Variants in PBLD observed in about 807,000 individuals in gnomAD.
PBLD encodes phenazine biosynthesis like protein domain containing.
PBLD carries 26 observed loss-of-function variants against 31.3 expected under a neutral mutation model. The observed-to-expected ratio is 0.83, with a 90% CI of 0.61 to 1.15. The LOEUF is 1.15. Ranked by LOEUF, PBLD falls within the 50% of genes most tolerant of loss-of-function variation. PBLD has a pLI of 0.00. For missense variants in PBLD, 307 were observed against 351.7 expected (o/e 0.87, Z 1.02); for synonymous variants, 114 against 129.0 (o/e 0.88, Z 0.79).
At chr10:68,291,533 T>A (rs1340646084) in intron 6 of PBLD, among the ~76,000 whole-genome samples, 2 of 152,050 alleles carry the variant, frequency 1.3e-5, no homozygotes, top group Non-Finnish European at 2.9e-5. Flanking sequence ...TTTCCCTCCA[T>A]CTTGTGTGTA....
chr10:68,300,203 A>G (rs907791576), intron 2 of PBLD, among the ~76,000 whole-genome samples: 51 of 152,250 alleles, frequency 3.3e-4, no homozygotes, highest in African/African-American at 1.2e-3. Context: ...ACCCAGAGAG[A>G]GACTGAAAGA....
intron 6 of PBLD, among the ~76,000 whole-genome samples, chr10:68,291,518 C>T (rs1346389795): frequency 6.6e-6 from 1 of 152,120 alleles, no homozygotes; most frequent in Non-Finnish European, 1.5e-5. Context: ...AGGAAGGTTC[C>T]ATTTTTTCCC....
At chr10:68,285,280 A>G in intron 9 of PBLD, 68 bp downstream of exon 9, 1 of 1,613,588 alleles carries the variant, frequency 6.2e-7, no homozygotes, top group South Asian at 1.1e-5. Context: ...AGGGGATAGT[A>G]CATATGAGAA....
At position 68,332,915 on chromosome 10, in the gene PBLD, T is replaced by G. The variant is rs777117219; in HGVS notation, c.-191A>C. 6.6e-6 allele frequency: 1 copy of G among 152,164 alleles called. No individual in the cohort carries two copies. The highest frequency in any genetic ancestry group is 1.5e-5 in the Non-Finnish European group (1 of 68,078). 9.4% of individuals were successfully genotyped at this position (152,164 alleles called of 1,614,324 possible). The stretch of plus-strand genomic sequence containing the variant: ...TCCAGGACAAAGGAGGCAGACGGCC[T>G]CCTTTGTAATTCTGCCGCCCGGTGG... On this transcript the variant is annotated 5_prime_UTR_variant, in exon 1 of 10. Coordinates refer to ENST00000358769, the MANE Select transcript of PBLD (RefSeq NM_022129.4).
intron 9 of PBLD, 180 bp downstream of exon 9, chr10:68,285,168 C>A: frequency 6.9e-7 from 1 of 1,446,298 alleles, no homozygotes; most frequent in Non-Finnish European, 9.1e-7. Flanking sequence ...TTGGGGGAGG[C>A]AGAGGTGAAG....
rs1332105386 is a variant in PBLD, at chr10:68,282,921, G to T, written c.*1256C>A. 1 of 151,828 alleles carries T rather than the reference G, an allele frequency of 6.6e-6. No individual in the cohort carries two copies. Among genetic ancestry groups the T allele is most frequent in the Non-Finnish European group, 1.5e-5 (1 of 67,988 alleles). The allele number at this position is 151,828 out of a possible 1,614,324, so 9.4% of individuals were successfully genotyped here. A position where few individuals can be genotyped will look rare whatever the true frequency, so the allele number is the denominator to read the frequency against. The stretch of plus-strand genomic sequence containing the variant: ...GTCCCCATCCCAAAGTCAACTATAG[G>T]TATTCAATATTGTATATTTAACTGA... On this transcript the variant is annotated 3_prime_UTR_variant, in exon 10 of 10. Coordinates refer to ENST00000358769, the MANE Select transcript of PBLD (RefSeq NM_022129.4).
intron 1 of PBLD, among the ~76,000 whole-genome samples, chr10:68,325,433 T>C (rs1314857164): frequency 6.6e-6 from 1 of 151,492 alleles, no homozygotes; most frequent in East Asian, 2.0e-4. Context: ...GGCGTGGTGG[T>C]GTATGCCTGT....
At chr10:68,321,868 G>T (rs2049309689) in intron 1 of PBLD, among the ~76,000 whole-genome samples, 1 of 152,096 alleles carries the variant, frequency 6.6e-6, no homozygotes, top group Admixed American at 6.6e-5. Context: ...ATAAATAAAA[G>T]ACTACATAAA....
intron 9 of PBLD, 129 bp from the exon 10 acceptor site, chr10:68,284,418 T>C (rs1422916151): frequency 1.6e-5 from 12 of 760,042 alleles, no homozygotes; most frequent in East Asian, 1.2e-4. Context: ...CTTCGTCTGT[T>C]TATGGTACTG....
chr10:68,314,969 T>C (rs1686825881), intron 1 of PBLD, among the ~76,000 whole-genome samples: 1 of 152,018 alleles, frequency 6.6e-6, no homozygotes, highest in Admixed American at 6.6e-5. Context: ...TTTGTATTTT[T>C]AGTTGAGACG....
chr10:68,325,431 G>T (rs2044903334), intron 1 of PBLD, among the ~76,000 whole-genome samples: 2 of 152,086 alleles, frequency 1.3e-5, no homozygotes, highest in South Asian at 4.1e-4. Flanking sequence ...CAGGCGTGGT[G>T]GTGTATGCCT....
chr10:68,309,406 C>CA (rs58152894), intron 1 of PBLD, among the ~76,000 whole-genome samples: 45,557 of 112,752 alleles, frequency 0.4, 10,196 homozygotes, highest in East Asian at 0.75. Context: ...GATTATGTTT[C>CA]AAAAAAAAAA....
chr10:68,288,142 A>G (rs2044311449), intron 8 of PBLD: 1 of 262,156 alleles, frequency 3.8e-6, no homozygotes, highest in East Asian at 8.4e-5. Context: ...CTTAACATGC[A>G]TTGTGCTTTT....
chr10:68,322,710 A>T (rs2044854810), intron 1 of PBLD, among the ~76,000 whole-genome samples: 1 of 151,810 alleles, frequency 6.6e-6, no homozygotes. Context: ...ATAACTTGTG[A>T]CAAATGTAGC....
intron 1 of PBLD, among the ~76,000 whole-genome samples, chr10:68,327,741 T>G (rs910686948): frequency 8.6e-5 from 13 of 151,876 alleles, no homozygotes; most frequent in African/African-American, 2.7e-4. Flanking sequence ...CAATGCTGTA[T>G]TTTCAAAGTT....
chr10:68,302,179 T>G (rs1477223550), intron 2 of PBLD, among the ~76,000 whole-genome samples: 1 of 152,226 alleles, frequency 6.6e-6, no homozygotes, highest in East Asian at 1.9e-4. Context: ...CACAAAACAG[T>G]TACAAACCAA....
chr10:68,306,756 C>A lies in PBLD; in HGVS notation c.84+5G>T. 6.2e-7 allele frequency: 1 copy of A among 1,611,176 alleles called. No homozygotes were observed. ...AGGTACTGTAATTCAAAACCAAGCA[C>A]TTACATTTTCTAGGAGGCAAACAGC... On this transcript the variant is annotated splice_donor_5th_base_variant and intron_variant, in intron 2 of 9. Transcript: ENST00000358769.
chr10:68,328,693 A>G (rs1047575419), intron 1 of PBLD, among the ~76,000 whole-genome samples: 2 of 152,230 alleles, frequency 1.3e-5, no homozygotes, highest in Admixed American at 1.3e-4. Flanking sequence ...AATTCCACAC[A>G]GATAGGTCTG....
chr10:68,327,030 A>T (rs1351028092), intron 1 of PBLD, among the ~76,000 whole-genome samples: 1 of 152,106 alleles, frequency 6.6e-6, no homozygotes, highest in Admixed American at 6.5e-5. Context: ...CTGGCGACAG[A>T]GCGAGACTCC....
Sources: allele counts gnomAD v4.1 joint callset (sites outside exome capture counted in the v4.1 genomes callset), GRCh38; gene constraint gnomAD v4.1.1; transcripts MANE v1.5; gene names NCBI Gene and HGNC (gene_info 2026-07-23, HGNC 2026-07-21).